Variants in MEFV observed in about 807,000 individuals in gnomAD.
MEFV encodes the protein MEFV innate immunity regulator, pyrin.
MEFV carries 60 observed loss-of-function variants against 62.5 expected under a neutral mutation model. The observed-to-expected ratio is 0.96, with a 90% CI of 0.78 to 1.19. The LOEUF (loss-of-function observed/expected upper bound fraction) is 1.19. MEFV is among the 50% of genes most tolerant of loss of function. The probability of loss-of-function intolerance (pLI) is 0.00; values close to 1 mark genes in which losing one functional copy is unlikely to be tolerated. For synonymous variants in MEFV, 500 were observed against 415.2 expected (o/e 1.20, Z -2.48); for missense variants, 1,169 against 1,004.5 (o/e 1.16, Z -2.21).
chr16:3,250,093 G>C (rs1015492327), intron 2 of MEFV, among the ~76,000 whole-genome samples: 2 of 152,216 alleles, frequency 1.3e-5, no homozygotes, highest in Non-Finnish European at 2.9e-5. Flanking sequence ...TGATGCCAAG[G>C]AAAGAGACAT....
At chr16:3,246,495 C>T (rs977260708) in intron 6 of MEFV, 30 bp downstream of exon 6, 3 of 1,613,852 alleles carry the variant, frequency 1.9e-6, no homozygotes, top group African/African-American at 1.3e-5. Flanking sequence ...TGCAAGACAC[C>T]CCAGGGTACA....
In MEFV at chr16:3,242,672, C is replaced by CA. The variant is rs61379197; in HGVS notation, c.*468dup. 7.7e-3 allele frequency: 1,392 copies of CA among 180,562 alleles called. 3 individuals carry two copies. Among genetic ancestry groups the CA allele is most frequent in the East Asian group, 0.012 (85 of 6,920 alleles). The allele number at this position is 180,562 out of a possible 1,614,324, so 11.2% of individuals were successfully genotyped here. On this transcript the variant is annotated 3_prime_UTR_variant, in exon 10 of 10. Coordinates refer to ENST00000219596, the MANE Select transcript of MEFV (RefSeq NM_000243.3). ...TGGGCCACAGAGCAAGATTTGGTCT[C>CA]AAAAAAAAAAAAAAAAAATCATAGT... is the stretch of plus-strand genomic sequence containing the variant.
intron 4 of MEFV, among the ~76,000 whole-genome samples, chr16:3,248,176 T>A (rs1248109241): frequency 6.6e-6 from 1 of 151,818 alleles, no homozygotes; most frequent in Non-Finnish European, 1.5e-5. Context: ...GGAGAATTGC[T>A]TGAACCTCGG....
intron 6 of MEFV, 89 bp downstream of exon 6, chr16:3,246,436 A>C: frequency 6.7e-7 from 1 of 1,483,394 alleles, no homozygotes; most frequent in Non-Finnish European, 9.4e-7. Context: ...GGGGTTGGGA[A>C]CATCTCCCTC....
In MEFV at chr16:3,243,206, G is replaced by T. The variant is rs774807554; in HGVS notation, c.2281C>A (p.Arg761Ser). ...PLQPIFSPGTRDGGKNTAPLT... is the reference protein window; with the variant it reads ...PLQPIFSPGTSDGGKNTAPLT... ...GGAGCTGTGTTCTTCCCTCCATCACGTGTCCCAGGGCTGAAGATAGGTTGA... is the reference window on the plus strand; with the variant it reads ...GGAGCTGTGTTCTTCCCTCCATCACTTGTCCCAGGGCTGAAGATAGGTTGA... Residue 761 changes from arginine to serine, a missense_variant, in exon 10 of 10, where the codon CGT becomes AGT. Coordinates refer to ENST00000219596, the MANE Select transcript of MEFV (RefSeq NM_000243.3). 1 of 1,614,056 alleles carries T rather than the reference G, an allele frequency of 6.2e-7. No homozygotes were observed. Among genetic ancestry groups the T allele is most frequent in the Non-Finnish European group, 8.5e-7 (1 of 1,180,036 alleles).
chr16:3,243,505 T>C lies in MEFV; in HGVS notation c.1982A>G (p.Asp661Gly). ...GRRYWEVEVG[D>G]KTAWILGACK... ...GGCTCCCAGGATCCATGCTGTCTTG[T>C]CTCCAACCTCCACCTCCCAGTAACG... Residue 661 changes from aspartate to glycine, a missense_variant, in exon 10 of 10, where the codon GAC becomes GGC. Coordinates refer to ENST00000219596, the MANE Select transcript of MEFV (RefSeq NM_000243.3). The C allele has an allele frequency of 6.2e-7, 1 of 1,613,998 alleles. No homozygotes were observed. Among genetic ancestry groups the C allele is most frequent in the Non-Finnish European group, 8.5e-7 (1 of 1,179,998 alleles).
At chr16:3,253,323 G>A (rs113592713) in intron 2 of MEFV, among the ~76,000 whole-genome samples, 2,099 of 152,104 alleles carry the variant, frequency 0.014, 50 homozygotes, top group African/African-American at 0.047. Context: ...TGGGGACAGC[G>A]CCTGCACATA....
In MEFV at chr16:3,242,897, G is replaced by A; in HGVS notation, c.*244C>T. ...ACCCACCAGGGGCGGATTATGCAAC[G>A]ACTCCGTACTTCCTCCTCTGAAATC... On this transcript the variant is annotated 3_prime_UTR_variant, in exon 10 of 10. Coordinates refer to ENST00000219596, the MANE Select transcript of MEFV (RefSeq NM_000243.3). 3.7e-6 allele frequency: 2 copies of A among 546,650 alleles called. No individual in the cohort carries two copies. The highest frequency in any genetic ancestry group is 6.6e-6 in the Non-Finnish European group (2 of 302,324). 33.9% of individuals were successfully genotyped at this position (546,650 alleles called of 1,614,324 possible).
intron 2 of MEFV, among the ~76,000 whole-genome samples, chr16:3,250,977 T>G (rs1254887572): frequency 7.0e-6 from 1 of 143,450 alleles, no homozygotes; most frequent in African/African-American, 2.7e-5. Context: ...TGAGCTGAAG[T>G]TGCGCCACTG....
chr16:3,242,753 C>G lies in MEFV; in HGVS notation c.*388G>C, dbSNP rs1958874921. The G allele has an allele frequency of 3.3e-6, 1 of 301,358 alleles. No homozygotes were observed. The highest frequency in any genetic ancestry group is 6.5e-6 in the Non-Finnish European group (1 of 154,562). The allele number at this position is 301,358 out of a possible 1,614,324, so 18.7% of individuals were successfully genotyped here. A position where few individuals can be genotyped will look rare whatever the true frequency, so the allele number is the denominator to read the frequency against. On this transcript the variant is annotated 3_prime_UTR_variant, in exon 10 of 10. Coordinates refer to ENST00000219596, the MANE Select transcript of MEFV (RefSeq NM_000243.3). ...CCCAATCCAGTCTGCTTGCGTTTCT[C>G]TAGGCTTCCCATATCCTCAAGACAG...
intron 7 of MEFV, 84 bp from the exon 8 acceptor site, chr16:3,244,370 C>G: frequency 6.2e-7 from 1 of 1,607,110 alleles, no homozygotes; most frequent in Non-Finnish European, 8.5e-7. Context: ...GAAGGCAGGT[C>G]AGCAAGACCA....
At chr16:3,255,726 G>C (rs1596359406) in intron 1 of MEFV, among the ~76,000 whole-genome samples, 1 of 152,130 alleles carries the variant, frequency 6.6e-6, no homozygotes, top group East Asian at 1.9e-4. Context: ...TTCTCAAATA[G>C]TACTTTTCAA....
chr16:3,246,629 G>A (rs1958947508), intron 5 of MEFV, 82 bp from the exon 6 acceptor site: 1 of 1,516,126 alleles, frequency 6.6e-7, no homozygotes, highest in African/African-American at 1.4e-5. Flanking sequence ...CTGGGCTCCT[G>A]GACTTTTAGC....
rs1017341912 is a variant in MEFV, at chr16:3,242,747, G to A, written c.*394C>T. Reference sequence around the variant, plus strand: ...TTCTATCCCAATCCAGTCTGCTTGCGTTTCTCTAGGCTTCCCATATCCTCA... The same window carrying A: ...TTCTATCCCAATCCAGTCTGCTTGCATTTCTCTAGGCTTCCCATATCCTCA... On this transcript the variant is annotated 3_prime_UTR_variant, in exon 10 of 10. Coordinates refer to ENST00000219596, the MANE Select transcript of MEFV (RefSeq NM_000243.3). 10 of 289,222 alleles carry A rather than the reference G, an allele frequency of 3.5e-5. No homozygotes were observed. The highest frequency in any genetic ancestry group is 2.8e-4 in the Admixed American group (6 of 21,122). The allele number at this position is 289,222 out of a possible 1,614,324, so 17.9% of individuals were successfully genotyped here. A position where few individuals can be genotyped will look rare whatever the true frequency, so the allele number is the denominator to read the frequency against.
chr16:3,252,949 CAAA>C (rs5815167), intron 2 of MEFV, among the ~76,000 whole-genome samples: 9 of 51,640 alleles, frequency 1.7e-4, no homozygotes, highest in African/African-American at 1.6e-4. Flanking sequence ...GACTCTGTCT[CAAA>C]AAAAAAAAAA....
rs772206956 is a variant in MEFV at position 3,254,560 on chromosome 16, C to T, written c.508G>A (p.Asp170Asn). The T allele has an allele frequency of 6.4e-7, 1 of 1,565,390 alleles. No homozygotes were observed. The highest frequency in any genetic ancestry group is 2.4e-5 in the East Asian group (1 of 42,538). The change falls in exon 2 of 10, where the codon GAC (aspartate) becomes AAC (asparagine). Residue 170 changes from aspartate (D) to asparagine (N), a missense_variant. Asp to Asn is a conservative substitution (Grantham distance 23, BLOSUM62 1). Transcript: ENST00000219596. The stretch of plus-strand genomic sequence containing the variant: ...CGGGTCCGAGGCTTGCCCTGCGCGT[C>T]CAGGCCCTCCGAGGCCTTCTCTCTG... ...KRREKASEGL[D>N]AQGKPRTRSP...
intron 3 of MEFV, 63 bp from the exon 4 acceptor site, chr16:3,249,067 A>C: frequency 1.3e-6 from 2 of 1,497,174 alleles, no homozygotes; most frequent in Non-Finnish European, 1.9e-6. Context: ...GCTGGTGCCA[A>C]CTCTGGAGGG....
In MEFV at chr16:3,242,119, T is replaced by G. The variant is rs1392649164; in HGVS notation, c.*1022A>C. 1.2e-5 allele frequency: 2 copies of G among 169,288 alleles called. No individual in the cohort carries two copies. The highest frequency in any genetic ancestry group is 4.8e-5 in the African/African-American group (2 of 41,518). The allele number at this position is 169,288 out of a possible 1,614,324, so 10.5% of individuals were successfully genotyped here. Reference sequence around the variant, plus strand: ...GGCTCATGCCTGTAATCCCTGCACTTTGGGAGGCTGAGGTGGGTGCATCAC... The same window carrying G: ...GGCTCATGCCTGTAATCCCTGCACTGTGGGAGGCTGAGGTGGGTGCATCAC... On this transcript the variant is annotated 3_prime_UTR_variant, in exon 10 of 10. Coordinates refer to ENST00000219596, the MANE Select transcript of MEFV (RefSeq NM_000243.3).
In MEFV at chr16:3,249,508, A is replaced by G. The variant is rs745647893; in HGVS notation, c.1183T>C (p.Cys395Arg). ...TCCTGACTCAGACTGCAGATGAGGC[A>G]GATGGGCTCATCGTGATCCTCACAG... is the stretch of plus-strand genomic sequence containing the variant. ...LFCEDHDEPI[C>R]LICSLSQEHQ... Residue 395 changes from cysteine to arginine, a missense_variant, in exon 3 of 10, where the codon TGC becomes CGC. Physicochemically the swap from Cys to Arg is radical, Grantham distance 180. Transcript: ENST00000219596. 1.2e-6 allele frequency: 2 copies of G among 1,614,092 alleles called. No homozygotes were observed. The highest frequency in any genetic ancestry group is 2.7e-5 in the African/African-American group (2 of 74,948).
Sources: gnomAD v4.1 joint callset for allele counts (sites outside exome capture counted in the v4.1 genomes callset) on GRCh38, gnomAD v4.1.1 for gene constraint, MANE v1.5 for transcripts, NCBI Gene and HGNC (gene_info 2026-07-23, HGNC 2026-07-21) for gene names.